Variants in SCYL2 observed in about 807,000 individuals in gnomAD.
The protein encoded by SCYL2 is SCY1 like pseudokinase 2.
In SCYL2, 36 loss-of-function variants were observed where a neutral mutation model predicts 100.4. The observed-to-expected ratio is 0.36, with a 90% confidence interval of 0.27 to 0.47. SCYL2 has a LOEUF of 0.47. SCYL2 is among the 20% of genes least tolerant of loss of function. SCYL2 has a pLI of 1.00. For synonymous variants in SCYL2, 330 were observed against 359.2 expected (o/e 0.92, Z 0.92); for missense variants, 902 against 1,083.9 (o/e 0.83, Z 2.36).
chr12:100,278,415 A>G (rs1200689492), intron 1 of SCYL2, among the ~76,000 whole-genome samples: 1 of 151,992 alleles, frequency 6.6e-6, no homozygotes, highest in African/African-American at 2.4e-5. Context: ...GCCTAGGCTC[A>G]TCTCGAACTG....
At chr12:100,304,986 G>A (rs2096332484) in intron 4 of SCYL2, among the ~76,000 whole-genome samples, 1 of 152,110 alleles carries the variant, frequency 6.6e-6, no homozygotes, top group Non-Finnish European at 1.5e-5. Flanking sequence ...CAATACAGGA[G>A]CACCCAGATA....
chr12:100,291,673 A>G lies in SCYL2; in HGVS notation c.335+13A>G. 6.4e-7 allele frequency: 1 copy of G among 1,565,084 alleles called. No individual in the cohort carries two copies. Among genetic ancestry groups the G allele is most frequent in the Non-Finnish European group, 8.6e-7 (1 of 1,164,310 alleles). ...TAGAAGAATCCAGGTAAATTTTTACAAAAACTTACATAGTAGACTTCCTGA... is the reference window on the plus strand; with the variant it reads ...TAGAAGAATCCAGGTAAATTTTTACGAAAACTTACATAGTAGACTTCCTGA... On this transcript the variant is annotated intron_variant, in intron 3 of 17. Coordinates refer to ENST00000360820, the MANE Select transcript of SCYL2 (RefSeq NM_017988.6).
At chr12:100,295,714 G>A (rs1326897728) in intron 3 of SCYL2, among the ~76,000 whole-genome samples, 1 of 151,998 alleles carries the variant, frequency 6.6e-6, no homozygotes, top group Non-Finnish European at 1.5e-5. Context: ...GGAGACCGTG[G>A]GGAGACGGGA....
intron 4 of SCYL2, among the ~76,000 whole-genome samples, chr12:100,306,608 A>G (rs940617811): frequency 5.3e-5 from 8 of 152,196 alleles, no homozygotes; most frequent in Admixed American, 5.2e-4. Context: ...GCCCTCTCTC[A>G]CCACTCCTAT....
chr12:100,277,572 CATTCTTTTACCTGTG>C (rs2096293855), intron 1 of SCYL2, among the ~76,000 whole-genome samples: 1 of 152,176 alleles, frequency 6.6e-6, no homozygotes, highest in South Asian at 2.1e-4. Flanking sequence ...TATACTTTCA[CATTCTTTTACCTGTG>C]TTTTTATACT....
chr12:100,277,996 T>C (rs887857492), intron 1 of SCYL2, among the ~76,000 whole-genome samples: 3 of 152,188 alleles, frequency 2.0e-5, no homozygotes, highest in African/African-American at 4.8e-5. Context: ...TAAGGATCTT[T>C]AAAAAATATA....
chr12:100,334,394 A>C (rs1952249759), intron 14 of SCYL2, 128 bp downstream of exon 14: 1 of 659,306 alleles, frequency 1.5e-6, no homozygotes, highest in African/African-American at 1.8e-5. Context: ...AAACATTTCA[A>C]AATTTACCAT....
intron 10 of SCYL2, 130 bp from the exon 11 acceptor site, chr12:100,323,395 A>G: frequency 1.6e-6 from 1 of 628,228 alleles, no homozygotes; most frequent in South Asian, 1.9e-5. Flanking sequence ...TGTTGAAAGG[A>G]CCAAATAATA....
chr12:100,324,379 G>T (rs1233677115), intron 11 of SCYL2, among the ~76,000 whole-genome samples: 1 of 152,014 alleles, frequency 6.6e-6, no homozygotes, highest in African/African-American at 2.4e-5. Context: ...GTTCTCTTTT[G>T]CCTGACCAGT....
chr12:100,304,525 C>A (rs2096331708), intron 4 of SCYL2, among the ~76,000 whole-genome samples: 1 of 152,154 alleles, frequency 6.6e-6, no homozygotes, highest in African/African-American at 2.4e-5. Context: ...AGTTCCCCGA[C>A]CCCTTGAGCT....
intron 9 of SCYL2, 68 bp downstream of exon 9, chr12:100,315,802 A>C: frequency 1.5e-6 from 2 of 1,326,286 alleles, no homozygotes; most frequent in South Asian, 3.5e-5. Flanking sequence ...CTGAAAACAA[A>C]AGGAATGAAT....
At chr12:100,295,653 A>G (rs889457799) in intron 3 of SCYL2, among the ~76,000 whole-genome samples, 11 of 152,292 alleles carry the variant, frequency 7.2e-5, no homozygotes, top group African/African-American at 2.4e-4. Context: ...GCAGCAGTAC[A>G]GTCCAGCTCC....
At chr12:100,295,186 C>G (rs564354470) in intron 3 of SCYL2, among the ~76,000 whole-genome samples, 34 of 150,302 alleles carry the variant, frequency 2.3e-4, no homozygotes, top group African/African-American at 7.1e-4. Flanking sequence ...GGATGGCGGC[C>G]GGACGGAGAC....
chr12:100,288,583 C>T (rs1412697824), intron 2 of SCYL2, among the ~76,000 whole-genome samples: 1 of 152,090 alleles, frequency 6.6e-6, no homozygotes, highest in Admixed American at 6.5e-5. Context: ...CACCTGTAAT[C>T]TCAACACTAT....
chr12:100,335,582 G>T (rs1952264769), intron 14 of SCYL2, 43 bp from the exon 15 acceptor site: 2 of 1,379,942 alleles, frequency 1.4e-6, no homozygotes, highest in Middle Eastern at 2.4e-4. Context: ...TTAAAAATAT[G>T]CATTTCTTTT....
chr12:100,304,224 A>C (rs2096331233), intron 4 of SCYL2, among the ~76,000 whole-genome samples: 1 of 151,764 alleles, frequency 6.6e-6, no homozygotes, highest in Middle Eastern at 3.2e-3. Context: ...GAGCAAGACC[A>C]CTTGGTTCCC....
intron 11 of SCYL2, 46 bp downstream of exon 11, chr12:100,323,684 T>A: frequency 1.0e-6 from 1 of 985,780 alleles, no homozygotes; most frequent in Non-Finnish European, 1.6e-6. Flanking sequence ...CACTTGTCAG[T>A]GCTTTAAATC....
At chr12:100,295,482 G>A (rs1019080662) in intron 3 of SCYL2, among the ~76,000 whole-genome samples, 2 of 152,104 alleles carry the variant, frequency 1.3e-5, no homozygotes, top group African/African-American at 4.8e-5. Context: ...GATCACTCGC[G>A]GTTAGGAGCT....
chr12:100,285,435 A>T (rs2096303477), intron 2 of SCYL2, among the ~76,000 whole-genome samples: 1 of 152,198 alleles, frequency 6.6e-6, no homozygotes, highest in African/African-American at 2.4e-5. Flanking sequence ...CATATGACGC[A>T]TTACCTAGGT....
Sources: gnomAD v4.1 joint callset for allele counts (sites outside exome capture counted in the v4.1 genomes callset) on GRCh38, gnomAD v4.1.1 for gene constraint, MANE v1.5 for transcripts, NCBI Gene and HGNC (gene_info 2026-07-23, HGNC 2026-07-21) for gene names.